THEMIS: variants seen among roughly 807,000 people sequenced by gnomAD.
The protein encoded by THEMIS is protein THEMIS.
THEMIS carries 37 observed loss-of-function variants against 52.6 expected under a neutral mutation model. The ratio of observed to expected loss-of-function variants is 0.70; its 90% CI spans 0.54 to 0.93. The LOEUF (loss-of-function observed/expected upper bound fraction) is 0.93, where lower values mean the gene tolerates loss of function less well. Ranked by LOEUF, THEMIS falls within the 40% of genes least tolerant of loss-of-function variation. The pLI, the probability that THEMIS is intolerant of heterozygous loss-of-function variation, is 0.00. For synonymous variants in THEMIS, 292 were observed against 272.7 expected, an observed-to-expected ratio of 1.07 and a Z score of -0.70; for missense variants, 808 against 763.1, an observed-to-expected ratio of 1.06 and a Z score of -0.69.
At chr6:127,847,261 A>T (rs946263947) in intron 2 of THEMIS, among the ~76,000 whole-genome samples, 1 of 152,024 alleles carries the variant, frequency 6.6e-6, no homozygotes, top group African/African-American at 2.4e-5. Context: ...TCTCTTTAAC[A>T]TAGTACTGGA....
At chr6:127,739,599 C>T (rs1320850705) in intron 4 of THEMIS, among the ~76,000 whole-genome samples, 1 of 152,152 alleles carries the variant, frequency 6.6e-6, no homozygotes, top group Non-Finnish European at 1.5e-5. Flanking sequence ...GAGATAGCAC[C>T]ACTGCACGCT....
chr6:127,749,378 GC>G (rs1562233316), intron 4 of THEMIS, among the ~76,000 whole-genome samples: 1 of 152,016 alleles, frequency 6.6e-6, no homozygotes, highest in African/African-American at 2.4e-5. Flanking sequence ...TGTCACGTTA[GC>G]GGGGAAGGAA....
intron 4 of THEMIS, among the ~76,000 whole-genome samples, chr6:127,736,310 GTC>G (rs935857621): frequency 3.9e-5 from 6 of 152,046 alleles, no homozygotes; most frequent in East Asian, 1.9e-4. Flanking sequence ...AAGTATAGTT[GTC>G]TCTCTCACAC....
chr6:127,775,968 TG>T (rs1417300514), intron 4 of THEMIS, among the ~76,000 whole-genome samples: 2 of 152,226 alleles, frequency 1.3e-5, no homozygotes, highest in African/African-American at 4.8e-5. Flanking sequence ...TTCAATAGAA[TG>T]TTGTGTTTTC....
chr6:127,705,592 GA>G (rs1339998450), downstream of THEMIS, among the ~76,000 whole-genome samples: 1 of 152,124 alleles, frequency 6.6e-6, no homozygotes. Flanking sequence ...TCTCATAACT[GA>G]AATTGAAATA....
chr6:127,903,311 G>A (rs1781191118), upstream of THEMIS, among the ~76,000 whole-genome samples: 8 of 151,938 alleles, frequency 5.3e-5, no homozygotes, highest in African/African-American at 2.4e-5. Context: ...AGAGCAATGA[G>A]TTCAAGAGTA....
chr6:127,915,936 G>A (rs1250133997), intron 1 of THEMIS, among the ~76,000 whole-genome samples: 1 of 152,160 alleles, frequency 6.6e-6, no homozygotes, highest in Non-Finnish European at 1.5e-5. Context: ...GCAGTGAGCC[G>A]AGATTGTGCC....
intron 3 of THEMIS, among the ~76,000 whole-genome samples, chr6:127,821,978 G>T (rs1435424513): frequency 6.6e-6 from 1 of 151,918 alleles, no homozygotes. Flanking sequence ...ATAAATTCTA[G>T]TGCTACAATT....
chr6:127,874,137 A>G lies in THEMIS; in HGVS notation c.92-18949T>C, dbSNP rs1219822485. ...CGAGAATGAGCTCACTTTTTACTGCAATTCACAATTTGTAGGAGAGGATGA... is the reference window on the plus strand; with the variant it reads ...CGAGAATGAGCTCACTTTTTACTGCGATTCACAATTTGTAGGAGAGGATGA... On this transcript the variant is annotated intron_variant, in intron 1 of 5. Transcript: ENST00000368248. 2.6e-5 allele frequency among the ~76,000 whole-genome samples: 4 copies of G among 152,222 alleles called. No homozygotes were observed. The East Asian group carries it at 7.7e-4, about 29-fold the overall frequency.
intron 1 of THEMIS, among the ~76,000 whole-genome samples, chr6:127,869,266 T>C (rs1242910095): frequency 5.9e-5 from 9 of 152,168 alleles, no homozygotes; most frequent in Admixed American, 5.9e-4. Flanking sequence ...TATAACCTAT[T>C]GAACATCATA....
intron 4 of THEMIS, among the ~76,000 whole-genome samples, chr6:127,745,077 G>T (rs1036996953): frequency 6.6e-6 from 1 of 151,846 alleles, no homozygotes; most frequent in Non-Finnish European, 1.5e-5. Flanking sequence ...TGTCAACATG[G>T]CTCCTGAGCT....
In THEMIS at chr6:127,873,571, T is replaced by G. The variant is rs114672391; in HGVS notation, c.92-18383A>C. ...TTTTTAAAGAACAACAACAAAGTAC[T>G]GGAAAAATTGGACATCCATAAAATT... On this transcript the variant is annotated intron_variant, in intron 1 of 5. Coordinates refer to ENST00000368248, the MANE Select transcript of THEMIS (RefSeq NM_001010923.3). Among the ~76,000 whole-genome samples, 908 of 152,312 alleles carry G rather than the reference T, an allele frequency of 6.0e-3. 12 individuals are homozygous for G. The highest frequency in any genetic ancestry group is 0.021 in the African/African-American group (872 of 41,566).
At chr6:127,790,420 A>G (rs573476093) in intron 4 of THEMIS, among the ~76,000 whole-genome samples, 13 of 152,348 alleles carry the variant, frequency 8.5e-5, no homozygotes, top group Non-Finnish European at 1.6e-4. Context: ...CTTAGAAGAA[A>G]CAACTTTATT....
At chr6:127,792,076 C>T (rs1381419971) in intron 4 of THEMIS, among the ~76,000 whole-genome samples, 1 of 152,188 alleles carries the variant, frequency 6.6e-6, no homozygotes, top group Admixed American at 6.5e-5. Context: ...GGGGGCATGG[C>T]TTCCACCTGT....
the THEMIS span, among the ~76,000 whole-genome samples, chr6:127,698,698 C>A: frequency 6.6e-6 from 1 of 152,062 alleles, no homozygotes; most frequent in East Asian, 1.9e-4. Flanking sequence ...CTATATACTA[C>A]ATATTGACTG....
intron 4 of THEMIS, among the ~76,000 whole-genome samples, chr6:127,746,793 T>A (rs1775417362): frequency 2.3e-5 from 1 of 43,640 alleles, no homozygotes; most frequent in Non-Finnish European, 3.5e-5. Flanking sequence ...TTATATATTA[T>A]TATATAATTA....
chr6:127,758,874 G>T (rs1257751386), intron 4 of THEMIS, among the ~76,000 whole-genome samples: 1 of 152,100 alleles, frequency 6.6e-6, no homozygotes, highest in African/African-American at 2.4e-5. Flanking sequence ...CAAGACTTTT[G>T]AGTCCAAAAT....
intron 1 of THEMIS, among the ~76,000 whole-genome samples, chr6:127,898,989 G>A (rs1781054879): frequency 6.6e-6 from 1 of 151,780 alleles, no homozygotes; most frequent in Admixed American, 6.6e-5. Context: ...GGGGGATAGA[G>A]AGGGGTTGGT....
chr6:127,897,969 C>T (rs1781022198), intron 1 of THEMIS, among the ~76,000 whole-genome samples: 2 of 151,590 alleles, frequency 1.3e-5, no homozygotes, highest in South Asian at 4.1e-4. Context: ...ATATATAAAA[C>T]AGCATGGATT....
Sources: allele counts gnomAD v4.1 joint callset (sites outside exome capture counted in the v4.1 genomes callset), GRCh38; gene constraint gnomAD v4.1.1; transcripts MANE v1.5; gene names NCBI Gene and HGNC (gene_info 2026-07-23, HGNC 2026-07-21).